The following APBA2 variants were observed in gnomAD, a reference collection of about 807,000 sequenced individuals.
The protein encoded by APBA2 is amyloid beta precursor protein binding family A member 2, also known as amyloid-beta A4 precursor protein-binding family A member 2.
APBA2 carries 30 observed loss-of-function variants against 75.0 expected under a neutral mutation model. The observed-to-expected ratio is 0.40, with a 90% CI of 0.30 to 0.54. The LOEUF is 0.54. APBA2 is among the 20% of genes least tolerant of loss of function. APBA2 has a pLI of 0.49. For missense variants in APBA2, 801 were observed against 1,016.1 expected (o/e 0.79, Z 2.88); for synonymous variants, 444 against 409.6 (o/e 1.08, Z -1.01).
intron 2 of APBA2, among the ~76,000 whole-genome samples, chr15:28,982,683 A>G (rs762514420): frequency 6.6e-6 from 1 of 152,240 alleles, no homozygotes; most frequent in Non-Finnish European, 1.5e-5. Flanking sequence ...GATGGACCTG[A>G]AGAAAATAAA....
At chr15:29,005,608 A>G (rs751326343) in intron 3 of APBA2, among the ~76,000 whole-genome samples, 37 of 152,246 alleles carry the variant, frequency 2.4e-4, no homozygotes, top group Non-Finnish European at 3.8e-4. Context: ...TCACGCCAGC[A>G]AATTCCAGTG....
chr15:28,996,938 T>C (rs2038558417), intron 3 of APBA2, among the ~76,000 whole-genome samples: 1 of 152,208 alleles, frequency 6.6e-6, no homozygotes, highest in South Asian at 2.1e-4. Flanking sequence ...GACGGGATTC[T>C]GGAGTGTCAA....
intron 2 of APBA2, among the ~76,000 whole-genome samples, chr15:28,960,941 T>C (rs1366888804): frequency 6.6e-6 from 1 of 151,982 alleles, no homozygotes; most frequent in Non-Finnish European, 1.5e-5. Context: ...GTATTTTTAG[T>C]AGAGACAGGG....
rs376883824 is a variant in APBA2 at position 29,106,729 on chromosome 15, G to A, written c.1827G>A (p.Ser609=). 3.4e-4 allele frequency: 551 copies of A among 1,612,888 alleles called. 2 individuals carry two copies. Among genetic ancestry groups the A allele is most frequent in the Non-Finnish European group, 4.2e-4 (501 of 1,179,994 alleles). The change falls in exon 12 of 15, where the codon TCG becomes TCA. Residue 609 remains serine (S), a synonymous_variant. Coordinates refer to ENST00000683413, the MANE Select transcript of APBA2 (RefSeq NM_001353788.2). ...NMMNGGPAAR[S]GKLSIGDQIM... is the part of the protein sequence containing the mutation. ...TGAATGGCGGCCCGGCTGCCCGCTC[G>A]GGGAAGCTGAGCATCGGGGACCAGA... is the stretch of plus-strand genomic sequence containing the variant.
At chr15:28,937,542 G>A (rs1667513409) in intron 2 of APBA2, among the ~76,000 whole-genome samples, 1 of 152,170 alleles carries the variant, frequency 6.6e-6, no homozygotes, top group South Asian at 2.1e-4. Context: ...CCTCCTGGTG[G>A]CTGCTTACTC....
chr15:29,019,944 A>C (rs2039867091), intron 3 of APBA2, among the ~76,000 whole-genome samples: 1 of 152,266 alleles, frequency 6.6e-6, no homozygotes, highest in Non-Finnish European at 1.5e-5. Flanking sequence ...CTGCAGTGTC[A>C]TCAGTTCCCG....
At chr15:28,962,703 TG>T (rs11342584) in intron 2 of APBA2, among the ~76,000 whole-genome samples, 152,259 of 152,260 alleles carry the variant, frequency 1, 76,129 homozygotes, top group Non-Finnish European at 1. Context: ...TGAGCCACCA[TG>T]GCCCAGCCTA....
At chr15:29,085,764 C>T (rs1368040623) in intron 6 of APBA2, among the ~76,000 whole-genome samples, 1 of 152,162 alleles carries the variant, frequency 6.6e-6, no homozygotes, top group African/African-American at 2.4e-5. Flanking sequence ...CCAGGATCAT[C>T]TTAAATATTT....
At chr15:29,068,186 A>T (rs76562008) in intron 4 of APBA2, among the ~76,000 whole-genome samples, 1,812 of 152,310 alleles carry the variant, frequency 0.012, 35 homozygotes, top group African/African-American at 0.042. Context: ...TGAGCCTCTG[A>T]TAAAGTCACG....
At chr15:28,950,977 C>G (rs1385408967) in intron 2 of APBA2, among the ~76,000 whole-genome samples, 1 of 152,158 alleles carries the variant, frequency 6.6e-6, no homozygotes, top group Non-Finnish European at 1.5e-5. Context: ...TTAGAGAGAT[C>G]CCTACCTTTT....
At chr15:29,022,816 CTTAAAA>C (rs1359575664) in intron 3 of APBA2, among the ~76,000 whole-genome samples, 1 of 152,046 alleles carries the variant, frequency 6.6e-6, no homozygotes. Flanking sequence ...AATTAAAATA[CTTAAAA>C]TTGAAATATT....
intron 2 of APBA2, among the ~76,000 whole-genome samples, chr15:28,931,964 C>G: frequency 6.6e-6 from 1 of 152,202 alleles, no homozygotes; most frequent in East Asian, 1.9e-4. Context: ...AGGACAGGAT[C>G]TACAGCACAC....
At chr15:28,959,399 T>C (rs1331568127) in intron 2 of APBA2, among the ~76,000 whole-genome samples, 2 of 152,174 alleles carry the variant, frequency 1.3e-5, no homozygotes, top group Non-Finnish European at 1.5e-5. Context: ...AAGAGGTAAC[T>C]GAGTTAAAAT....
chr15:28,943,211 A>G (rs2035335479), intron 2 of APBA2, among the ~76,000 whole-genome samples: 1 of 152,190 alleles, frequency 6.6e-6, no homozygotes, highest in South Asian at 2.1e-4. Flanking sequence ...GAACATACTA[A>G]AGGCTTCTTC....
intron 2 of APBA2, among the ~76,000 whole-genome samples, chr15:28,929,111 C>T (rs1174733204): frequency 1.3e-5 from 2 of 152,114 alleles, no homozygotes; most frequent in African/African-American, 2.4e-5. Flanking sequence ...CGTGTTGGAG[C>T]GGAAACTCCA....
At chr15:28,890,278 T>C (rs2032043983) in intron 1 of APBA2, among the ~76,000 whole-genome samples, 1 of 152,202 alleles carries the variant, frequency 6.6e-6, no homozygotes, top group South Asian at 2.1e-4. Context: ...AAGAGTGAGC[T>C]TTCTGATTCT....
At chr15:29,042,909 C>T (rs1008115925) in intron 3 of APBA2, among the ~76,000 whole-genome samples, 1 of 152,102 alleles carries the variant, frequency 6.6e-6, no homozygotes, top group Admixed American at 6.5e-5. Context: ...AGAAAAAGGT[C>T]AGTGCTGGTA....
intron 13 of APBA2, among the ~76,000 whole-genome samples, chr15:29,110,962 T>C (rs1220236108): frequency 6.6e-6 from 1 of 151,498 alleles, no homozygotes; most frequent in Non-Finnish European, 1.5e-5. Flanking sequence ...CTCCCAAAGA[T>C]GGGGCAAGGT....
intron 4 of APBA2, among the ~76,000 whole-genome samples, chr15:29,066,992 A>G (rs2042405942): frequency 6.6e-6 from 1 of 152,188 alleles, no homozygotes; most frequent in Non-Finnish European, 1.5e-5. Context: ...GAAGCCTTCA[A>G]TGGTGACAGA....
Sources: allele counts gnomAD v4.1 joint callset (sites outside exome capture counted in the v4.1 genomes callset), GRCh38; gene constraint gnomAD v4.1.1; transcripts MANE v1.5; gene names NCBI Gene and HGNC (gene_info 2026-07-23, HGNC 2026-07-21).